The following SVIL variants were observed in gnomAD, a reference collection of about 807,000 sequenced individuals.
The protein encoded by SVIL is archvillin.
In SVIL, 101 loss-of-function variants were observed where a neutral mutation model predicts 240.4. That is an observed-to-expected ratio of 0.42 (90% CI 0.36 to 0.50). The LOEUF (loss-of-function observed/expected upper bound fraction) is 0.50. Among genes scored for constraint, SVIL ranks in the 20% least tolerant of loss-of-function variants. The pLI, the probability that SVIL is intolerant of heterozygous loss-of-function variation, is 0.01. For synonymous variants in SVIL, 999 were observed against 1,100.0 expected, an observed-to-expected ratio of 0.91 and a Z score of 1.82; for missense variants, 2,512 against 2,818.7, an observed-to-expected ratio of 0.89 and a Z score of 2.46.
At chr10:29,562,487 G>A (rs1166803511) in intron 3 of SVIL, among the ~76,000 whole-genome samples, 2 of 152,224 alleles carry the variant, frequency 1.3e-5, no homozygotes, top group Admixed American at 6.5e-5. Flanking sequence ...CTGGCTGGGC[G>A]CGGTGGCTCA....
chr10:29,702,867 G>C (rs956299899), intron 1 of SVIL, among the ~76,000 whole-genome samples: 5 of 152,128 alleles, frequency 3.3e-5, no homozygotes, highest in Non-Finnish European at 7.3e-5. Flanking sequence ...TTTGACTTCA[G>C]ACTTTAGGAG....
intron 2 of SVIL, among the ~76,000 whole-genome samples, chr10:29,677,766 T>G (rs1229496569): frequency 1.3e-5 from 2 of 152,148 alleles, no homozygotes; most frequent in Admixed American, 6.5e-5. Flanking sequence ...CCCAATTCCA[T>G]AAGGAAAGAG....
chr10:29,468,726 T>C (rs1326225061), intron 32 of SVIL, among the ~76,000 whole-genome samples: 1 of 152,052 alleles, frequency 6.6e-6, no homozygotes, highest in Non-Finnish European at 1.5e-5. Context: ...TCTCTTCTAC[T>C]TTCTAAGGAA....
intron 1 of SVIL, among the ~76,000 whole-genome samples, chr10:29,696,470 C>G (rs1185253285): frequency 1.3e-5 from 2 of 149,990 alleles, no homozygotes; most frequent in Non-Finnish European, 3.0e-5. Flanking sequence ...AAGTGAGGAG[C>G]GTCTCTGCCC....
chr10:29,645,958 A>G (rs1958640677), intron 3 of SVIL, among the ~76,000 whole-genome samples: 1 of 152,114 alleles, frequency 6.6e-6, no homozygotes, highest in African/African-American at 2.4e-5. Context: ...TCTTCCAGGT[A>G]CTCCTAACTC....
At chr10:29,506,756 G>GGGACAGAGGTCCTAGAGGGAAA (rs1949365230) in intron 17 of SVIL, among the ~76,000 whole-genome samples, 4 of 140,394 alleles carry the variant, frequency 2.8e-5, no homozygotes, top group African/African-American at 1.0e-4. Flanking sequence ...CTAGAGGGAG[G>GGGACAGAGGTCCTAGAGGGAAA]GGACAGAGGC....
intron 1 of SVIL, among the ~76,000 whole-genome samples, chr10:29,697,087 A>C (rs967622613): frequency 9.8e-6 from 1 of 102,308 alleles, no homozygotes. Flanking sequence ...GGCCACCCCT[A>C]CTGGGAAGTG....
intron 13 of SVIL, 59 bp downstream of exon 13, chr10:29,526,902 G>T: frequency 7.7e-7 from 1 of 1,299,646 alleles, no homozygotes; most frequent in Non-Finnish European, 1.0e-6. Flanking sequence ...ACTTTAGGAT[G>T]CATCTGCTGT....
chr10:29,530,615 G>A lies in SVIL; in HGVS notation c.2098C>T (p.Leu700Phe). 6.2e-7 allele frequency: 1 copy of A among 1,614,120 alleles called. No homozygotes were observed. The highest frequency in any genetic ancestry group is 8.5e-7 in the Non-Finnish European group (1 of 1,180,016). The change falls in exon 11 of 38, where the codon CTT becomes TTT. Residue 700 changes from leucine (L) to phenylalanine (F), a missense_variant. Transcript: ENST00000355867. ...AKLSVAAKRL[L>F]FREMEKSFDE... ...ACGTCAGCACAGCTTACCCTGAAAA[G>A]CAACCTCTTGGCGGCGACGCTCAGC...
chr10:29,701,400 T>C (rs924477299), intron 1 of SVIL, among the ~76,000 whole-genome samples: 1 of 152,216 alleles, frequency 6.6e-6, no homozygotes, highest in Non-Finnish European at 1.5e-5. Flanking sequence ...GATTTTCCTA[T>C]TATTCATGTC....
At chr10:29,526,592 C>T (rs765564690) in intron 13 of SVIL, among the ~76,000 whole-genome samples, 1 of 152,068 alleles carries the variant, frequency 6.6e-6, no homozygotes, top group Non-Finnish European at 1.5e-5. Context: ...CATGAGCCAC[C>T]GCGCCTGGCC....
At chr10:29,708,908 C>T (rs552724582) in intron 1 of SVIL, among the ~76,000 whole-genome samples, 78 of 151,568 alleles carry the variant, frequency 5.1e-4, no homozygotes, top group African/African-American at 1.7e-3. Flanking sequence ...AAAAACCTGC[C>T]GAAAGAATTT....
intron 2 of SVIL, among the ~76,000 whole-genome samples, chr10:29,678,118 T>C (rs979541594): frequency 6.6e-5 from 10 of 152,126 alleles, no homozygotes; most frequent in African/African-American, 2.2e-4. Context: ...AGACAATTTT[T>C]CCATGAACCA....
intron 10 of SVIL, 38 bp from the exon 11 acceptor site, chr10:29,530,706 G>A (rs1564584556): frequency 2.5e-6 from 4 of 1,612,974 alleles, no homozygotes; most frequent in Non-Finnish European, 3.4e-6. Flanking sequence ...GACATCATTA[G>A]AGAAGGTTAA....
At chr10:29,664,073 T>C (rs1176637815) in intron 2 of SVIL, among the ~76,000 whole-genome samples, 1 of 152,200 alleles carries the variant, frequency 6.6e-6, no homozygotes, top group African/African-American at 2.4e-5. Context: ...GTGTATCCCA[T>C]GACAGCACAG....
chr10:29,635,168 A>T (rs1449053829), upstream of SVIL, among the ~76,000 whole-genome samples: 1 of 152,188 alleles, frequency 6.6e-6, no homozygotes, highest in Non-Finnish European at 1.5e-5. Context: ...TTAAAAATAC[A>T]ACAGCAGTCT....
chr10:29,684,060 A>G (rs1338604117), intron 2 of SVIL, among the ~76,000 whole-genome samples: 1 of 151,928 alleles, frequency 6.6e-6, no homozygotes, highest in Non-Finnish European at 1.5e-5. Flanking sequence ...ACCCCCACCG[A>G]AAAAAACTCC....
chr10:29,594,128 A>G (rs1956491102), intron 1 of SVIL, among the ~76,000 whole-genome samples: 1 of 152,238 alleles, frequency 6.6e-6, no homozygotes, highest in Non-Finnish European at 1.5e-5. Flanking sequence ...TTCATACACA[A>G]AACTATTTAA....
intron 6 of SVIL, among the ~76,000 whole-genome samples, chr10:29,541,686 C>T (rs1026889195): frequency 2.7e-5 from 4 of 150,478 alleles, no homozygotes; most frequent in East Asian, 3.9e-4. Flanking sequence ...GAGGAAGGTG[C>T]GAGGCTGGAT....
Sources: allele counts gnomAD v4.1 joint callset (sites outside exome capture counted in the v4.1 genomes callset), GRCh38; gene constraint gnomAD v4.1.1; transcripts MANE v1.5; gene names NCBI Gene and HGNC (gene_info 2026-07-23, HGNC 2026-07-21).